Variants in C1QTNF8 observed in about 807,000 individuals in gnomAD.
C1QTNF8 encodes C1q and TNF related 8, also known as complement C1q tumor necrosis factor-related protein 8.
C1QTNF8 carries 27 observed loss-of-function variants against 19.2 expected under a neutral mutation model. The observed-to-expected ratio is 1.41, with a 90% CI of 1.04 to 1.94. The LOEUF is 1.94. Among genes scored for constraint, C1QTNF8 ranks in the 30% most tolerant of loss-of-function variants. The pLI, the probability that C1QTNF8 is intolerant of heterozygous loss-of-function variation, is 0.00. For synonymous variants in C1QTNF8, 208 were observed against 172.8 expected, an observed-to-expected ratio of 1.20 and a Z score of -1.60; for missense variants, 484 against 374.4, an observed-to-expected ratio of 1.29 and a Z score of -2.42.
Position 1,094,740 on chromosome 16 carries a change from G to A in C1QTNF8, c.183C>T (p.Pro61=). 1 of 1,576,520 alleles carries A rather than the reference G, an allele frequency of 6.3e-7. No individual in the cohort carries two copies. Among genetic ancestry groups the A allele is most frequent in the Non-Finnish European group, 8.6e-7 (1 of 1,163,488 alleles). The change falls in exon 3 of 5, where the codon CCC becomes CCT. Residue 61 remains proline (P), a synonymous_variant. Transcript: ENST00000328449. ...CTTTGAGGATTTCGATGTCTATAGT[G>A]GGCCGTACTCGAGGCAGCCCCCTCC... The part of the protein sequence containing the change: ...DLWRGLPRVR[P]TIDIEILKGE...
chr16:1,091,335 C>G (rs1051892888), intron 4 of C1QTNF8, among the ~76,000 whole-genome samples: 4 of 152,194 alleles, frequency 2.6e-5, no homozygotes, highest in Non-Finnish European at 2.9e-5. Context: ...TGCTCCTGCC[C>G]GGGCCCAGTG....
chr16:1,094,637 AG>A (rs1960645076), intron 3 of C1QTNF8, 77 bp downstream of exon 3: 4 of 1,270,724 alleles, frequency 3.1e-6, no homozygotes, highest in Non-Finnish European at 4.4e-6. Flanking sequence ...CCTCCTCCCA[AG>A]CCCCAGGTGC....
At chr16:1,093,443 GACACACAC>G in intron 4 of C1QTNF8, 46 bp downstream of exon 4, 1 of 947,238 alleles carries the variant, frequency 1.1e-6, no homozygotes, top group East Asian at 4.9e-5. Context: ...CACACACACA[GACACACAC>G]ACACACGCGC....
At chr16:1,094,174 G>A (rs1176725324) in intron 3 of C1QTNF8, 123 bp from the exon 4 acceptor site, 24 of 753,622 alleles carry the variant, frequency 3.2e-5, no homozygotes, top group African/African-American at 1.9e-4. Flanking sequence ...TGCAAGTGAC[G>A]GCCCCTCTCC....
intron 1 of C1QTNF8, 123 bp from the exon 2 acceptor site, chr16:1,095,911 C>T (rs543324398): frequency 1.2e-4 from 19 of 152,464 alleles, no homozygotes; most frequent in African/African-American, 4.6e-4. Context: ...CACAAGAGCC[C>T]CCCTGGACTC....
intron 3 of C1QTNF8, 104 bp from the exon 4 acceptor site, chr16:1,094,155 C>T: frequency 3.2e-6 from 3 of 942,238 alleles, no homozygotes; most frequent in Non-Finnish European, 4.3e-6. Flanking sequence ...ACTGTAAGGA[C>T]ACACTCTTTG....
intron 3 of C1QTNF8, among the ~76,000 whole-genome samples, 183 bp from the exon 4 acceptor site, chr16:1,094,234 G>A (rs752609859): frequency 6.6e-6 from 1 of 152,206 alleles, no homozygotes; most frequent in South Asian, 2.1e-4. Context: ...TTCTCCAAAG[G>A]TGTGGCTAGA....
chr16:1,093,752 C>G lies in C1QTNF8; in HGVS notation c.508G>C (p.Val170Leu). 6.2e-7 allele frequency: 1 copy of G among 1,612,240 alleles called. No homozygotes were observed. The change falls in exon 4 of 5, where the codon GTG (valine) becomes CTG (leucine). Residue 170 changes from valine (V) to leucine (L), a missense_variant. Transcript: ENST00000328449. ...GTCTCCTTGTAGTTCCAGGTGTGCA[C>G]GTTGAGGCTGAGGAAGTAGACGCCG... is the stretch of plus-strand genomic sequence containing the variant. ...VPGVYFLSLN[V>L]HTWNYKETYL...
chr16:1,093,545 T>C lies in C1QTNF8; in HGVS notation c.715A>G (p.Ile239Val), dbSNP rs1473722124. Residue 239 changes from isoleucine (I) to valine (V), a missense_variant, in exon 4 of 5, where the codon ATC becomes GTC. By Grantham distance (29) the Ile-to-Val change is conservative. Transcript: ENST00000328449. The part of the protein sequence containing the change: ...AIYGEHGDLY[I>V]TFSGHLVKPA... The stretch of plus-strand genomic sequence containing the variant: ...TTGACCAGGTGGCCGCTGAAGGTGA[T>C]GTAGAGGTCTCCGTGCTCGCCGTAG... 4.4e-6 allele frequency: 7 copies of C among 1,583,092 alleles called. No individual in the cohort carries two copies. The highest frequency in any genetic ancestry group is 1.4e-5 in the African/African-American group (1 of 73,876).
Position 1,093,898 on chromosome 16 carries a change from A to G in C1QTNF8, c.362T>C (p.Val121Ala). 6.4e-7 allele frequency: 1 copy of G among 1,561,984 alleles called. No individual in the cohort carries two copies. Among genetic ancestry groups the G allele is most frequent in the Non-Finnish European group, 8.6e-7 (1 of 1,163,146 alleles). The change falls in exon 4 of 5, where the codon GTG (valine) becomes GCG (alanine). Residue 121 changes from valine (V) to alanine (A), a missense_variant. By Grantham distance (64) the Val-to-Ala change is moderately conservative (BLOSUM62 0). Transcript: ENST00000328449. ...ACRRAYAAFSVGRREGLHSSD... is the reference protein window; with the variant it reads ...ACRRAYAAFSAGRREGLHSSD... ...GCTGTGCAGGCCCTCGCGCCGGCCC[A>G]CGGAGAAGGCGGCGTAGGCACGTCG...
chr16:1,088,889 C>T lies in C1QTNF8; in HGVS notation c.*1710G>A, dbSNP rs1220440698. On this transcript the variant is annotated 3_prime_UTR_variant, in exon 5 of 5. Coordinates refer to ENST00000328449, the MANE Select transcript of C1QTNF8 (RefSeq NM_207419.3). ...CGACGTCTGTGCGGGGAGGTCCAGC[C>T]TGTCCCTCGGAATAAGCGCCTGGCT... 6.7e-6 allele frequency among the ~76,000 whole-genome samples: 1 copy of T among 149,246 alleles called. No individual in the cohort carries two copies. The highest frequency in any genetic ancestry group is 2.5e-5 in the African/African-American group (1 of 40,000).
At chr16:1,094,615 G>A in intron 3 of C1QTNF8, 100 bp downstream of exon 3, 1 of 909,700 alleles carries the variant, frequency 1.1e-6, no homozygotes, top group Non-Finnish European at 1.6e-6. Context: ...TGCTCAGCGT[G>A]CCCCTCCCGC....
Position 1,093,497 on chromosome 16 carries a change from C to A in C1QTNF8, c.*4G>T. On this transcript the variant is annotated splice_region_variant and 3_prime_UTR_variant, in exon 4 of 5. Transcript: ENST00000328449. Reference sequence around the variant, plus strand: ...GGTGCTCAGCCGCGGGGCCCCTCACCCGGCTACAGCTCGGCGGCCGGCTTG... The same window carrying A: ...GGTGCTCAGCCGCGGGGCCCCTCACACGGCTACAGCTCGGCGGCCGGCTTG... 6.6e-7 allele frequency: 1 copy of A among 1,520,640 alleles called. No homozygotes were observed. The highest frequency in any genetic ancestry group is 8.8e-7 in the Non-Finnish European group (1 of 1,133,824). The allele number at this position is 1,520,640 out of a possible 1,614,324, so 94.2% of individuals were successfully genotyped here.
chr16:1,094,757 G>GC lies in C1QTNF8; in HGVS notation c.165dup (p.Leu56AlafsTer16). 1 of 1,558,176 alleles carries GC rather than the reference G, an allele frequency of 6.4e-7. No homozygotes were observed. Reference sequence around the variant, plus strand: ...TCTATAGTGGGCCGTACTCGAGGCAGCCCCCTCCACAGGTCCCCCCTCCAC... The same window carrying GC: ...TCTATAGTGGGCCGTACTCGAGGCAGCCCCCCTCCACAGGTCCCCCCTCCAC... On this transcript the variant is annotated frameshift_variant, in exon 3 of 5. Transcript: ENST00000328449. LOFTEE classifies it high-confidence loss of function.
intron 2 of C1QTNF8, 83 bp downstream of exon 2, chr16:1,095,532 G>T (rs1182733661): frequency 6.6e-6 from 1 of 152,206 alleles, no homozygotes; most frequent in Non-Finnish European, 1.5e-5. Context: ...AGCCAACCTG[G>T]GTCCCCCTGA....
At chr16:1,095,277 C>T (rs1960660208) in intron 2 of C1QTNF8, among the ~76,000 whole-genome samples, 1 of 152,218 alleles carries the variant, frequency 6.6e-6, no homozygotes. Context: ...GCCCAAGGCC[C>T]CACCCACTGT....
In C1QTNF8 at chr16:1,095,611, C is replaced by G. The variant is rs1267624256; in HGVS notation, c.-12+4G>C. 2 of 152,312 alleles carry G rather than the reference C, an allele frequency of 1.3e-5. No individual in the cohort carries two copies. The highest frequency in any genetic ancestry group is 4.8e-5 in the African/African-American group (2 of 41,462). The allele number at this position is 152,312 out of a possible 1,614,324, so 9.4% of individuals were successfully genotyped here. On this transcript the variant is annotated splice_donor_region_variant and intron_variant, in intron 2 of 4. Transcript: ENST00000328449. ...GGCCCCCCTGCCAGGTGGGCCTTGCCTACCCCACTCCCCTCACAGCCACAT... is the reference window on the plus strand; with the variant it reads ...GGCCCCCCTGCCAGGTGGGCCTTGCGTACCCCACTCCCCTCACAGCCACAT...
rs146939641 is a variant in C1QTNF8 at position 1,092,407 on chromosome 16, CA to C, written c.*4+1089del. On this transcript the variant is annotated intron_variant, in intron 4 of 4. Transcript: ENST00000328449. ...CCAATCCCTGCACACAGTCGGCGCT[CA>C]ATCAATCACTGCACACAGTCGGCAC... is the stretch of plus-strand genomic sequence containing the variant. Among the ~76,000 whole-genome samples, 504 of 148,510 alleles carry C rather than the reference CA, an allele frequency of 3.4e-3. 11 individuals are homozygous for C. Among genetic ancestry groups the C allele is most frequent in the African/African-American group, 0.012 (473 of 39,866 alleles).
chr16:1,091,881 G>A (rs936462778), intron 4 of C1QTNF8, among the ~76,000 whole-genome samples: 2 of 150,494 alleles, frequency 1.3e-5, no homozygotes, highest in East Asian at 1.9e-4. Context: ...CCCTCACACC[G>A]CCTGGAAGTG....
Sources: gnomAD v4.1 joint callset for allele counts (sites outside exome capture counted in the v4.1 genomes callset) on GRCh38, gnomAD v4.1.1 for gene constraint, MANE v1.5 for transcripts, NCBI Gene and HGNC (gene_info 2026-07-23, HGNC 2026-07-21) for gene names.